The following ZNF217 variants were observed in gnomAD, a reference collection of about 807,000 sequenced individuals.
The protein encoded by ZNF217 is zinc finger protein 217.
A neutral mutation model predicts 73.3 loss-of-function variants in ZNF217; 12 were observed. That is an observed-to-expected ratio of 0.16 (90% CI 0.10 to 0.27). The LOEUF is 0.27. ZNF217 is among the 10% of genes least tolerant of loss of function. ZNF217 has a pLI of 1.00. For synonymous variants in ZNF217, 588 were observed against 516.4 expected, an observed-to-expected ratio of 1.14 and a Z score of -1.88; for missense variants, 1,195 against 1,327.8, an observed-to-expected ratio of 0.90 and a Z score of 1.55.
chr20:53,593,237 C>G (rs1452338271), intron 1 of ZNF217, among the ~76,000 whole-genome samples: 2 of 152,094 alleles, frequency 1.3e-5, no homozygotes, highest in South Asian at 2.1e-4. Context: ...AGTGGACCGT[C>G]CCGGCCATTG....
chr20:53,570,285 A>AG (rs1987936528), intron 5 of ZNF217: 1 of 152,778 alleles, frequency 6.5e-6, no homozygotes, highest in African/African-American at 2.4e-5. Context: ...AAAAGACTGC[A>AG]GAACCACACA....
intron 1 of ZNF217, among the ~76,000 whole-genome samples, chr20:53,584,749 A>G (rs1344642983): frequency 1.3e-5 from 2 of 152,248 alleles, no homozygotes; most frequent in African/African-American, 2.4e-5. Context: ...ATTGAAAAGA[A>G]TATTCAATTA....
At chr20:53,583,444 G>A (rs1988583382) in intron 1 of ZNF217, among the ~76,000 whole-genome samples, 1 of 152,108 alleles carries the variant, frequency 6.6e-6, no homozygotes, top group Non-Finnish European at 1.5e-5. Flanking sequence ...CAAGTTTTAG[G>A]TCAGAAATTG....
intron 2 of ZNF217, among the ~76,000 whole-genome samples, chr20:53,578,664 T>A (rs892769018): frequency 6.6e-6 from 1 of 152,224 alleles, no homozygotes; most frequent in Non-Finnish European, 1.5e-5. Flanking sequence ...TTTGTTTTGT[T>A]TTTTTCTGGG....
At chr20:53,592,381 G>C (rs1262069352) in intron 1 of ZNF217, among the ~76,000 whole-genome samples, 1 of 138,196 alleles carries the variant, frequency 7.2e-6, no homozygotes, top group Non-Finnish European at 1.5e-5. Flanking sequence ...ACCCTTTTCT[G>C]GGGGGTGGGG....
intron 1 of ZNF217, among the ~76,000 whole-genome samples, chr20:53,588,980 CT>C (rs1033040516): frequency 1.3e-5 from 2 of 152,204 alleles, no homozygotes; most frequent in African/African-American, 4.8e-5. Flanking sequence ...TTCAGTATAA[CT>C]GAGATGCTTT....
chr20:53,593,197 G>A (rs1015799336), intron 1 of ZNF217, among the ~76,000 whole-genome samples: 58 of 152,222 alleles, frequency 3.8e-4, no homozygotes, highest in African/African-American at 1.3e-3. Flanking sequence ...CCCTCCCGCG[G>A]TCCCTTAGAG....
intron 1 of ZNF217, among the ~76,000 whole-genome samples, chr20:53,588,608 A>C (rs866663618): frequency 0.071 from 9,879 of 139,006 alleles, 514 homozygotes; most frequent in African/African-American, 0.17. Context: ...ATATATATAT[A>C]TATATATATA....
chr20:53,572,049 T>C (rs1037220020), intron 4 of ZNF217, among the ~76,000 whole-genome samples, 196 bp from the exon 5 acceptor site: 1 of 152,206 alleles, frequency 6.6e-6, no homozygotes, highest in South Asian at 2.1e-4. Context: ...ATTTGGTTGA[T>C]GTCACTAACA....
rs776065517 is a variant in ZNF217, at chr20:53,581,554, C to A, written c.1273G>T (p.Ala425Ser). Residue 425 changes from alanine to serine, a missense_variant, in exon 2 of 6, where the codon GCC (alanine) becomes TCC (serine). Physicochemically the swap from Ala to Ser is moderately conservative, Grantham distance 99. This residue lies in a region of ZNF217 where 116 missense variants were observed against 121.9 expected (regional missense o/e 0.95). Coordinates refer to ENST00000371471, the MANE Select transcript of ZNF217 (RefSeq NM_006526.3). The surrounding 1 kb of genome is among the most constrained non-coding windows in gnomAD (Gnocchi z 4.9). ...RQPGTCSPDL[A>S]APLDENGAVD... ...GCTCCATTTTCATCCAGAGGGGCGG[C>A]GAGGTCAGGAGAACACGTCCCCGGC... 40 of 1,614,192 alleles carry A rather than the reference C, an allele frequency of 2.5e-5. No homozygotes were observed. The South Asian group carries it at 4.4e-4, about 18-fold the overall frequency.
At chr20:53,590,414 ATTTT>A (rs199954476) in intron 1 of ZNF217, among the ~76,000 whole-genome samples, 2 of 150,438 alleles carry the variant, frequency 1.3e-5, no homozygotes, top group African/African-American at 2.5e-5. Flanking sequence ...GACAATTTGA[ATTTT>A]TTTTTTAAGC....
intron 1 of ZNF217, among the ~76,000 whole-genome samples, chr20:53,584,340 C>G (rs1310648211): frequency 2.0e-5 from 3 of 152,194 alleles, no homozygotes; most frequent in Non-Finnish European, 4.4e-5. Flanking sequence ...CCTTAAAGAG[C>G]AAGGAAGGCC....
upstream of ZNF217, among the ~76,000 whole-genome samples, chr20:53,596,819 A>C (rs1989048265): frequency 6.6e-6 from 1 of 152,032 alleles, no homozygotes. Flanking sequence ...TGGAACCAAA[A>C]GAGAAGCTCT....
intron 1 of ZNF217, among the ~76,000 whole-genome samples, chr20:53,590,927 C>T (rs1026411731): frequency 7.9e-5 from 12 of 152,280 alleles, no homozygotes; most frequent in Admixed American, 5.9e-4. Context: ...GGGGCTCCTA[C>T]TCCTCCCTGA....
chr20:53,582,332 G>A lies in ZNF217; in HGVS notation c.495C>T (p.Phe165=). 2 of 1,564,516 alleles carry A rather than the reference G, an allele frequency of 1.3e-6. No individual in the cohort carries two copies. Among genetic ancestry groups the A allele is most frequent in the Non-Finnish European group, 1.7e-6 (2 of 1,148,190 alleles). ...GATTTTTAAGAAACCAAGGCTCCTT[G>A]AATCTTCTTCCGCACATGTTACACC... ...TYGCNMCGRR[F]KEPWFLKNHM... The change falls in exon 2 of 6, where the codon TTC becomes TTT. Residue 165 remains phenylalanine (F), a synonymous_variant. Coordinates refer to ENST00000371471, the MANE Select transcript of ZNF217 (RefSeq NM_006526.3). This position sits in a 1 kb window ranked among gnomAD's most constrained non-coding sequence, Gnocchi z 4.8.
intron 1 of ZNF217, among the ~76,000 whole-genome samples, 156 bp downstream of exon 1, chr20:53,593,600 C>T (rs958117537): frequency 7.3e-5 from 11 of 151,148 alleles, no homozygotes; most frequent in Non-Finnish European, 1.3e-4. Flanking sequence ...GAGGGGGCGC[C>T]CTAGAGGAGC....
At chr20:53,580,942 CA>C (rs1988457402) in intron 2 of ZNF217, among the ~76,000 whole-genome samples, 1 of 152,160 alleles carries the variant, frequency 6.6e-6, no homozygotes, top group African/African-American at 2.4e-5. Context: ...TCTCAATGCT[CA>C]AACTATTGAC....
chr20:53,569,226 T>A lies in ZNF217; in HGVS notation c.*62A>T. The A allele has an allele frequency of 3.7e-6, 5 of 1,351,244 alleles. No homozygotes were observed. The highest frequency in any genetic ancestry group is 4.9e-6 in the Non-Finnish European group (5 of 1,014,438). 83.7% of individuals were successfully genotyped at this position (1,351,244 alleles called of 1,614,324 possible). On this transcript the variant is annotated 3_prime_UTR_variant, in exon 6 of 6. Transcript: ENST00000371471. The stretch of plus-strand genomic sequence containing the variant: ...CGCTTCTCAAAGGATGAAGTAAAAT[T>A]TAATTTCATGGGGAGTAAGCACTGA...
chr20:53,588,602 A>C (rs1030465690), intron 1 of ZNF217, among the ~76,000 whole-genome samples: 1,272 of 45,242 alleles, frequency 0.028, 13 homozygotes, highest in African/African-American at 0.05. Context: ...ATCTATATAT[A>C]TATATATATA....
Sources: gnomAD v4.1 joint callset for allele counts (sites outside exome capture counted in the v4.1 genomes callset) on GRCh38, gnomAD v4.1.1 for gene constraint, gnomAD v4.1.1 regional missense constraint, Gnocchi (gnomAD v3.1) non-coding constraint, MANE v1.5 for transcripts, NCBI Gene and HGNC (gene_info 2026-07-23, HGNC 2026-07-21) for gene names.